TDRD9: variants seen among roughly 807,000 people sequenced by gnomAD.
TDRD9 encodes the protein ATP-dependent RNA helicase TDRD9.
In TDRD9, 124 loss-of-function variants were observed where a neutral mutation model predicts 172.6. The observed-to-expected ratio is 0.72, with a 90% CI of 0.62 to 0.83. The LOEUF (loss-of-function observed/expected upper bound fraction) is 0.83, where lower values mean the gene tolerates loss of function less well. Ranked by LOEUF, TDRD9 falls within the 40% of genes least tolerant of loss-of-function variation. TDRD9 has a pLI of 0.00. For synonymous variants in TDRD9, 619 were observed against 617.1 expected (o/e 1.00, Z -0.05); for missense variants, 1,479 against 1,714.1 (o/e 0.86, Z 2.42).
chr14:103,955,568 A>G, intron 1 of TDRD9, 96 bp from the exon 2 acceptor site: 1 of 800,942 alleles, frequency 1.2e-6, no homozygotes, highest in Non-Finnish European at 1.9e-6. Flanking sequence ...GACTATTTGC[A>G]TTTTTTCCTG....
At position 103,970,513 on chromosome 14, in the gene TDRD9, G is replaced by T. The variant is rs1193289984; in HGVS notation, c.766-28G>T. ...TCATGTGTGTTGCCTGATGCCATGTGGGGGGTGCCCCCTTTTTTATTTTGT... is the reference window on the plus strand; with the variant it reads ...TCATGTGTGTTGCCTGATGCCATGTTGGGGGTGCCCCCTTTTTTATTTTGT... On this transcript the variant is annotated intron_variant, in intron 5 of 35. Coordinates refer to ENST00000409874, the MANE Select transcript of TDRD9 (RefSeq NM_153046.3). 24 of 1,525,858 alleles carry T rather than the reference G, an allele frequency of 1.6e-5. No homozygotes were observed. The Admixed American group carries it at 4.7e-4, about 30-fold the overall frequency. The allele number at this position is 1,525,858 out of a possible 1,614,324, so 94.5% of individuals were successfully genotyped here.
chr14:104,011,666 T>G (rs1387845102), intron 20 of TDRD9, among the ~76,000 whole-genome samples: 1 of 152,192 alleles, frequency 6.6e-6, no homozygotes, highest in Non-Finnish European at 1.5e-5. Context: ...TGAAGTTTAT[T>G]GATGTATAGT....
intron 4 of TDRD9, 29 bp downstream of exon 4, chr14:103,965,583 G>C: frequency 6.6e-7 from 1 of 1,510,812 alleles, no homozygotes; most frequent in South Asian, 1.2e-5. Flanking sequence ...GAGGGACTAA[G>C]AGAGCCAGCT....
intron 32 of TDRD9, among the ~76,000 whole-genome samples, chr14:104,038,317 G>A (rs760825710): frequency 6.6e-6 from 1 of 152,180 alleles, no homozygotes; most frequent in South Asian, 2.1e-4. Flanking sequence ...ATTGAATGAG[G>A]GTGGATTAAA....
chr14:103,960,682 C>G (rs1462757700), intron 2 of TDRD9, among the ~76,000 whole-genome samples: 3 of 152,224 alleles, frequency 2.0e-5, no homozygotes, highest in African/African-American at 7.2e-5. Context: ...TGTGCTGGGT[C>G]TGCTTCAGCC....
chr14:103,956,661 CTTT>C (rs67617196), intron 2 of TDRD9, among the ~76,000 whole-genome samples: 1 of 145,116 alleles, frequency 6.9e-6, no homozygotes. Context: ...ATTAAAACTA[CTTT>C]TTTTTTTTTA....
chr14:103,944,573 CT>C (rs561034555), intron 1 of TDRD9, among the ~76,000 whole-genome samples: 35 of 97,460 alleles, frequency 3.6e-4, no homozygotes, highest in Middle Eastern at 9.1e-3. Context: ...GCCCCCCACC[CT>C]TTTTTTTTTG....
intron 1 of TDRD9, among the ~76,000 whole-genome samples, chr14:103,952,220 ATTTTTTTTTTTTTTTTTTTT>A (rs61410445): frequency 8.4e-4 from 27 of 32,328 alleles, no homozygotes; most frequent in African/African-American, 3.9e-3. Context: ...ATATATATAT[ATTTTTTTTTTTTTTTTTTTT>A]TTTTTTTTTT....
chr14:103,937,596 T>C (rs2030851437), intron 1 of TDRD9, among the ~76,000 whole-genome samples: 1 of 152,154 alleles, frequency 6.6e-6, no homozygotes, highest in South Asian at 2.1e-4. Context: ...TACCTTTGGA[T>C]TGTGATTGTG....
intron 1 of TDRD9, among the ~76,000 whole-genome samples, chr14:103,951,274 T>C (rs902713525): frequency 6.6e-6 from 1 of 152,250 alleles, no homozygotes; most frequent in Admixed American, 6.5e-5. Context: ...AAATAATCCC[T>C]GATTTTCCCC....
chr14:103,965,007 A>G (rs1163450335), intron 3 of TDRD9, among the ~76,000 whole-genome samples: 2 of 152,136 alleles, frequency 1.3e-5, no homozygotes, highest in East Asian at 3.9e-4. Flanking sequence ...CAGGAGTTCA[A>G]GACCAGCCTG....
intron 5 of TDRD9, among the ~76,000 whole-genome samples, chr14:103,968,903 A>C (rs1446606792): frequency 6.7e-6 from 1 of 149,780 alleles, no homozygotes; most frequent in East Asian, 2.0e-4. Context: ...GATTGAGACC[A>C]TCTTGGCTAA....
intron 34 of TDRD9, among the ~76,000 whole-genome samples, chr14:104,049,147 T>G (rs191691409): frequency 6.1e-5 from 8 of 132,060 alleles, no homozygotes; most frequent in African/African-American, 2.2e-4. Flanking sequence ...TGTGTGTGTG[T>G]ATGTATGTAT....
chr14:104,022,738 AAAT>A (rs2034999717), intron 24 of TDRD9, among the ~76,000 whole-genome samples: 1 of 150,758 alleles, frequency 6.6e-6, no homozygotes, highest in Non-Finnish European at 1.5e-5. Flanking sequence ...AAAAATAAAT[AAAT>A]AAATAAATAA....
At chr14:103,959,771 TA>T (rs1362552828) in intron 2 of TDRD9, among the ~76,000 whole-genome samples, 12 of 152,218 alleles carry the variant, frequency 7.9e-5, no homozygotes, top group Admixed American at 3.9e-4. Context: ...TTTACATGGT[TA>T]AAGATTAATC....
intron 1 of TDRD9, among the ~76,000 whole-genome samples, chr14:103,948,186 T>A (rs999611261): frequency 1.3e-5 from 2 of 152,000 alleles, no homozygotes; most frequent in Non-Finnish European, 2.9e-5. Flanking sequence ...CTATTTTTTT[T>A]TTTTATTTTT....
chr14:104,034,765 C>T (rs2035398226), intron 31 of TDRD9, among the ~76,000 whole-genome samples, 195 bp from the exon 32 acceptor site: 1 of 152,132 alleles, frequency 6.6e-6, no homozygotes, highest in African/African-American at 2.4e-5. Context: ...CGCATCATAG[C>T]GTAGTGTCTC....
In TDRD9 at chr14:104,006,669, T is replaced by C; in HGVS notation, c.1903T>C (p.Phe635Leu). Residue 635 changes from phenylalanine (F) to leucine (L), a missense_variant, in exon 17 of 36, where the codon TTT (phenylalanine) becomes CTT (leucine). Phe to Leu is a conservative substitution (Grantham distance 22). Around this residue, in one of 3 missense-constraint regions of TDRD9, gnomAD observed 1,413 missense variants for 1,649.1 expected, o/e 0.86. Coordinates refer to ENST00000409874, the MANE Select transcript of TDRD9 (RefSeq NM_153046.3). ...IIAAALSLKNFFAMPFRQHLD... is the reference protein window; with the variant it reads ...IIAAALSLKNLFAMPFRQHLD... ...AGCGGCAGCTCTTTCTTTGAAGAAT[T>C]TTTTTGCAATGCCTTTCCGGCAGCA... The C allele has an allele frequency of 6.2e-7, 1 of 1,613,982 alleles. No individual in the cohort carries two copies. The highest frequency in any genetic ancestry group is 8.5e-7 in the Non-Finnish European group (1 of 1,179,860).
intron 2 of TDRD9, among the ~76,000 whole-genome samples, chr14:103,958,088 A>G (rs1028573263): frequency 2.0e-5 from 3 of 152,186 alleles, no homozygotes; most frequent in Admixed American, 1.3e-4. Flanking sequence ...ACAAGTAAAA[A>G]AGACTTTAAC....
Sources: allele counts gnomAD v4.1 joint callset (sites outside exome capture counted in the v4.1 genomes callset), GRCh38; gene constraint gnomAD v4.1.1; regional missense constraint gnomAD v4.1.1; transcripts MANE v1.5; gene names NCBI Gene and HGNC (gene_info 2026-07-23, HGNC 2026-07-21).